COQ8A: variants seen among roughly 807,000 people sequenced by gnomAD.
COQ8A encodes the protein coenzyme Q8A.
Under a neutral mutation model 65.0 loss-of-function variants are expected in COQ8A, and 51 were observed. The ratio of observed to expected loss-of-function variants is 0.78; its 90% CI spans 0.63 to 0.99. COQ8A has a LOEUF of 0.99. Ranked by LOEUF, COQ8A falls within the 50% of genes least tolerant of loss-of-function variation. COQ8A has a pLI of 0.00. For missense variants in COQ8A, 940 were observed against 875.0 expected (o/e 1.07, Z -0.94); for synonymous variants, 371 against 353.2 (o/e 1.05, Z -0.57).
At position 226,983,868 on chromosome 1, in the gene COQ8A, C is replaced by T. The variant is rs1488552393; in HGVS notation, c.1256+14C>T. On this transcript the variant is annotated intron_variant, in intron 10 of 14. Coordinates refer to ENST00000366777, the MANE Select transcript of COQ8A (RefSeq NM_020247.5). ...CCGCAAGTTCAGGTGTGGCCCCCGG[C>T]CGGGCCCCTTGCGTGTTTGCACCAG... 1.3e-6 allele frequency: 2 copies of T among 1,593,762 alleles called. No homozygotes were observed. The highest frequency in any genetic ancestry group is 2.2e-4 in the Middle Eastern group (1 of 4,516).
In COQ8A at chr1:226,986,561, C is replaced by T; in HGVS notation, c.1768C>T (p.Leu590=). Residue 590 remains leucine, a synonymous_variant, in exon 15 of 15, where the codon CTG becomes TTG. Transcript: ENST00000366777. ...GAGCACCACCGAGAAGATCCACAAC[C>T]TGATTCCCGTCATGCTGAGGCACCG... is the stretch of plus-strand genomic sequence containing the variant. ...TQSTTEKIHN[L]IPVMLRHRLV... 8 of 1,614,090 alleles carry T rather than the reference C, an allele frequency of 5.0e-6. No homozygotes were observed. Among genetic ancestry groups the T allele is most frequent in the Non-Finnish European group, 6.8e-6 (8 of 1,180,016 alleles).
chr1:226,987,022 T>C lies in COQ8A; in HGVS notation c.*285T>C, dbSNP rs1660160694. ...GAAAGGGCAACTTTGTTTTCTTCTT[T>C]TTCCTGATGTGAATGTTAAGCAGAA... On this transcript the variant is annotated 3_prime_UTR_variant, in exon 15 of 15. Transcript: ENST00000366777. The C allele has an allele frequency of 4.0e-6, 2 of 499,140 alleles. No individual in the cohort carries two copies. Among genetic ancestry groups the C allele is most frequent in the Non-Finnish European group, 7.3e-6 (2 of 273,790 alleles). 30.9% of individuals were successfully genotyped at this position (499,140 alleles called of 1,614,324 possible). A position where few individuals can be genotyped will look rare whatever the true frequency, so the allele number is the denominator to read the frequency against.
At chr1:226,958,354 G>C (rs368043697) in intron 1 of COQ8A, 1 of 152,286 alleles carries the variant, frequency 6.6e-6, no homozygotes, top group South Asian at 2.1e-4. Context: ...GAGGAGGGGG[G>C]AAGAGGTTGA....
chr1:226,971,983 T>C (rs1658935727), intron 4 of COQ8A, among the ~76,000 whole-genome samples: 1 of 152,234 alleles, frequency 6.6e-6, no homozygotes, highest in Non-Finnish European at 1.5e-5. Flanking sequence ...ATGTTAGATC[T>C]TTTCCCTCTG....
At chr1:226,941,457 A>G (rs1656685890) in intron 1 of COQ8A, among the ~76,000 whole-genome samples, 1 of 152,168 alleles carries the variant, frequency 6.6e-6, no homozygotes, top group Non-Finnish European at 1.5e-5. Flanking sequence ...AAGGGGAGCT[A>G]CAGGAGCAGC....
intron 5 of COQ8A, among the ~76,000 whole-genome samples, chr1:226,980,948 G>C (rs2148121241): frequency 6.6e-6 from 1 of 152,372 alleles, no homozygotes; most frequent in South Asian, 2.1e-4. Flanking sequence ...TGGGGACCTG[G>C]CTCCGTGCCA....
intron 5 of COQ8A, among the ~76,000 whole-genome samples, chr1:226,981,737 G>A (rs747413471): frequency 2.6e-5 from 4 of 152,170 alleles, no homozygotes; most frequent in Non-Finnish European, 2.9e-5. Flanking sequence ...GTCACGGCCC[G>A]CCAGGTCCCC....
intron 8 of COQ8A, 41 bp downstream of exon 8, chr1:226,983,075 G>T (rs1226146397): frequency 1.9e-6 from 3 of 1,556,116 alleles, no homozygotes; most frequent in Admixed American, 1.9e-5. Context: ...TATGGGGGCT[G>T]CAAGGGGCAG....
At chr1:226,948,361 C>A (rs969344586) in intron 1 of COQ8A, among the ~76,000 whole-genome samples, 1 of 152,156 alleles carries the variant, frequency 6.6e-6, no homozygotes, top group African/African-American at 2.4e-5. Flanking sequence ...TATATGGGCC[C>A]TTGTGATTAC....
intron 2 of COQ8A, among the ~76,000 whole-genome samples, chr1:226,964,578 G>C (rs1312046204): frequency 6.6e-6 from 1 of 152,188 alleles, no homozygotes; most frequent in Non-Finnish European, 1.5e-5. Context: ...GGGCCCGTCG[G>C]TGTGCTTCCC....
chr1:226,960,526 GTGGTGGTGGTTGTACT>G (rs1173797748), intron 1 of COQ8A, among the ~76,000 whole-genome samples: 15 of 150,636 alleles, frequency 1.0e-4, no homozygotes, highest in African/African-American at 3.7e-4. Flanking sequence ...GTGGTGCTTG[GTGGTGGTGGTTGTACT>G]TGGTGGTGGT....
Position 226,983,537 on chromosome 1 carries a change from C to T in COQ8A, c.1081-15C>T. 1.2e-6 allele frequency: 2 copies of T among 1,613,094 alleles called. No individual in the cohort carries two copies. The highest frequency in any genetic ancestry group is 1.7e-6 in the Non-Finnish European group (2 of 1,179,420). On this transcript the variant is annotated splice_polypyrimidine_tract_variant and intron_variant, in intron 8 of 14. Transcript: ENST00000366777. ...TCCCTGGGCTAACTCCCCTGCCTCA[C>T]CCATACCCCCACAGTACCCTGGCGT...
intron 2 of COQ8A, 135 bp downstream of exon 2, chr1:226,961,697 C>CTTTGGTGG: frequency 9.0e-7 from 1 of 1,105,088 alleles, no homozygotes; most frequent in Non-Finnish European, 1.3e-6. Context: ...GCTAATGTGT[C>CTTTGGTGG]CCACGGTCCT....
Position 226,982,743 on chromosome 1 carries a change from A to G in COQ8A, c.919A>G (p.Met307Val), listed in dbSNP as rs1659780541. ...FERVRQSADF[M>V]PLKQMMKTLN... ...GCGGGTGCGGCAGAGCGCGGACTTC[A>G]TGCCACTGAAGCAGATGATGGTGAG... The change falls in exon 7 of 15, where the codon ATG becomes GTG. Residue 307 changes from methionine (M) to valine (V), a missense_variant. Transcript: ENST00000366777. 1 of 1,613,656 alleles carries G rather than the reference A, an allele frequency of 6.2e-7. No individual in the cohort carries two copies. The highest frequency in any genetic ancestry group is 8.5e-7 in the Non-Finnish European group (1 of 1,180,006).
At position 226,986,969 on chromosome 1, in the gene COQ8A, G is replaced by A. The variant is rs530722607; in HGVS notation, c.*232G>A. 2.1e-4 allele frequency: 126 copies of A among 592,414 alleles called. 1 individual carries two copies. In the South Asian group the frequency reaches 2.2e-3, roughly 10 times the overall value. The allele number at this position is 592,414 out of a possible 1,614,324, so 36.7% of individuals were successfully genotyped here. On this transcript the variant is annotated 3_prime_UTR_variant, in exon 15 of 15. Coordinates refer to ENST00000366777, the MANE Select transcript of COQ8A (RefSeq NM_020247.5). ...CACTGCTCGGTCAGTCTGCCTCCGT[G>A]TGTCCTCTGAAATAAGCAGATGAAG...
rs117267700 is a variant in COQ8A at position 226,959,616 on chromosome 1, G to A, written c.-9-1761G>A. ...CAGACTGTGTTTATTAGCAGCATCTGTTTATTAGCAGTCTGTGTTTATTGA... is the reference window on the plus strand; with the variant it reads ...CAGACTGTGTTTATTAGCAGCATCTATTTATTAGCAGTCTGTGTTTATTGA... On this transcript the variant is annotated intron_variant, in intron 1 of 14. Coordinates refer to ENST00000366777, the MANE Select transcript of COQ8A (RefSeq NM_020247.5). Among the ~76,000 whole-genome samples the A allele has an allele frequency of 3.3e-4, 51 of 152,328 alleles. 1 individual carries two copies. In the East Asian group the frequency reaches 6.4e-3, roughly 19 times the overall value.
intron 11 of COQ8A, 70 bp from the exon 12 acceptor site, chr1:226,984,478 C>G: frequency 7.1e-7 from 1 of 1,413,492 alleles, no homozygotes; most frequent in Non-Finnish European, 1.0e-6. Flanking sequence ...AGGGGCTTCT[C>G]TGGCCCCAGT....
chr1:226,965,029 T>C lies in COQ8A; in HGVS notation c.207T>C (p.Ala69=). ...QGQDKHEEYF[A]ENFGGPEGEF... Reference sequence around the variant, plus strand: ...AGGATAAACATGAAGAATATTTTGCTGAGAACTTCGGCGGCCCAGAAGGGG... The same window carrying C: ...AGGATAAACATGAAGAATATTTTGCCGAGAACTTCGGCGGCCCAGAAGGGG... The change falls in exon 3 of 15, where the codon GCT becomes GCC. Residue 69 remains alanine, a synonymous_variant. Transcript: ENST00000366777. 1 of 1,614,096 alleles carries C rather than the reference T, an allele frequency of 6.2e-7. No individual in the cohort carries two copies. The highest frequency in any genetic ancestry group is 8.5e-7 in the Non-Finnish European group (1 of 1,180,030).
At position 226,978,765 on chromosome 1, in the gene COQ8A, C is replaced by T. The variant is rs542192421; in HGVS notation, c.730+1242C>T. ...CCTCCTTACACACCCACCTCACACCCGCATACCTCCGTACACACCCACCTC... is the reference window on the plus strand; with the variant it reads ...CCTCCTTACACACCCACCTCACACCTGCATACCTCCGTACACACCCACCTC... On this transcript the variant is annotated intron_variant, in intron 5 of 14. Transcript: ENST00000366777. Among the ~76,000 whole-genome samples, 73 of 114,622 alleles carry T rather than the reference C, an allele frequency of 6.4e-4. 2 individuals are homozygous for T. The highest frequency in any genetic ancestry group is 1.8e-3 in the African/African-American group (64 of 35,052). 75.2% of individuals were successfully genotyped at this position (114,622 alleles called of 152,430 possible). A position where few individuals can be genotyped will look rare whatever the true frequency, so the allele number is the denominator to read the frequency against.
Sources: gnomAD v4.1 joint callset for allele counts (sites outside exome capture counted in the v4.1 genomes callset) on GRCh38, gnomAD v4.1.1 for gene constraint, MANE v1.5 for transcripts, NCBI Gene and HGNC (gene_info 2026-07-23, HGNC 2026-07-21) for gene names.